The following PSMG2 variants were observed in gnomAD, a reference collection of about 807,000 sequenced individuals.
PSMG2 encodes the protein CD40 ligand-activated specific transcript 3.
PSMG2 carries 21 observed loss-of-function variants against 31.5 expected under a neutral mutation model. That is an observed-to-expected ratio of 0.67 (90% confidence interval 0.47 to 0.96). PSMG2 has a LOEUF of 0.96. Ranked by LOEUF, PSMG2 falls within the 40% of genes least tolerant of loss-of-function variation. The pLI is 0.00. For missense variants in PSMG2, 318 were observed against 321.2 expected (o/e 0.99, Z 0.08); for synonymous variants, 120 against 110.4 (o/e 1.09, Z -0.54).
At chr18:12,678,475 C>T in intron 1 of PSMG2, 3 of 1,440,454 alleles carry the variant, frequency 2.1e-6, no homozygotes. Context: ...TATATGAGAA[C>T]TTAAAAATTA....
At chr18:12,699,345 C>T (rs2040071979), upstream of PSMG2, 2 of 597,362 alleles carry the variant, frequency 3.3e-6, no homozygotes, top group East Asian at 2.8e-5. Flanking sequence ...AAATTTATTA[C>T]TGTATATGCC....
chr18:12,690,737 G>A (rs959704324), intron 1 of PSMG2, among the ~76,000 whole-genome samples: 1 of 152,170 alleles, frequency 6.6e-6, no homozygotes, highest in Non-Finnish European at 1.5e-5. Context: ...TTACAGGCGT[G>A]AGCCACCGCG....
intron 1 of PSMG2, among the ~76,000 whole-genome samples, chr18:12,680,130 ACATCATGTTGGTAAAG>A: frequency 6.6e-6 from 1 of 152,106 alleles, no homozygotes; most frequent in Non-Finnish European, 1.5e-5. Flanking sequence ...CTGTTTACCA[ACATCATGTTGGTAAAG>A]AATATTTGAG....
chr18:12,675,499 A>C (rs1184105592), intron 1 of PSMG2, among the ~76,000 whole-genome samples: 2 of 152,196 alleles, frequency 1.3e-5, no homozygotes, highest in African/African-American at 4.8e-5. Context: ...CAGAGGTGAG[A>C]AAAGTCAACA....
chr18:12,682,882 A>G (rs908148516), intron 1 of PSMG2, among the ~76,000 whole-genome samples: 2 of 151,802 alleles, frequency 1.3e-5, no homozygotes, highest in African/African-American at 4.8e-5. Flanking sequence ...TCGGCCTCCC[A>G]AAGTGCTGCG....
intron 1 of PSMG2, among the ~76,000 whole-genome samples, chr18:12,687,274 G>C (rs2039570993): frequency 6.6e-6 from 1 of 152,038 alleles, no homozygotes; most frequent in African/African-American, 2.4e-5. Flanking sequence ...CAGAACCACT[G>C]ATGTCTTTCT....
upstream of PSMG2, chr18:12,700,929 C>G: frequency 6.3e-7 from 1 of 1,580,354 alleles, no homozygotes; most frequent in Non-Finnish European, 8.7e-7. Context: ...CATATATACT[C>G]TCATTTATTT....
chr18:12,703,526 T>C (rs2040224049), intron 1 of PSMG2, among the ~76,000 whole-genome samples: 1 of 152,230 alleles, frequency 6.6e-6, no homozygotes, highest in Non-Finnish European at 1.5e-5. Context: ...ATATTATCGT[T>C]GTTAACCGGA....
At chr18:12,699,813 T>C, upstream of PSMG2, 1 of 1,372,698 alleles carries the variant, frequency 7.3e-7, no homozygotes, top group Non-Finnish European at 1.0e-6. Flanking sequence ...ACTAAATTAA[T>C]GTTAAAATAT....
At chr18:12,670,226 AGGCTGAGGCAGGAGAACTG>A (rs1467462412) in intron 1 of PSMG2, among the ~76,000 whole-genome samples, 1 of 151,916 alleles carries the variant, frequency 6.6e-6, no homozygotes, top group Admixed American at 6.6e-5. Flanking sequence ...GCTACTTGGG[AGGCTGAGGCAGGAGAACTG>A]CTTGAACCTG....
At chr18:12,666,146 A>C (rs1360986649) in intron 1 of PSMG2, among the ~76,000 whole-genome samples, 4 of 121,182 alleles carry the variant, frequency 3.3e-5, no homozygotes, top group Non-Finnish European at 5.6e-5. Flanking sequence ...GCAAGAACTC[A>C]TCTCTACAAA....
chr18:12,712,249 A>G (rs1423153128), intron 2 of PSMG2, among the ~76,000 whole-genome samples: 1 of 152,186 alleles, frequency 6.6e-6, no homozygotes. Flanking sequence ...CTATTTCAGG[A>G]TTTTATTACA....
At chr18:12,669,967 A>C (rs1280225663) in intron 1 of PSMG2, among the ~76,000 whole-genome samples, 2 of 70,534 alleles carry the variant, frequency 2.8e-5, no homozygotes, top group African/African-American at 5.5e-5. Context: ...ATTGCACTCC[A>C]GCCTGGGCAA....
At chr18:12,718,177 T>G (rs2040396177) in intron 3 of PSMG2, among the ~76,000 whole-genome samples, 1 of 151,962 alleles carries the variant, frequency 6.6e-6, no homozygotes, top group South Asian at 2.1e-4. Flanking sequence ...CCCCGCTGAT[T>G]TTTTTATTTT....
At chr18:12,659,336 G>A (rs1463177613) in intron 1 of PSMG2, among the ~76,000 whole-genome samples, 1 of 152,156 alleles carries the variant, frequency 6.6e-6, no homozygotes, top group African/African-American at 2.4e-5. Flanking sequence ...GGAATGGGGA[G>A]GAGGGAGAAA....
upstream of PSMG2, chr18:12,702,700 C>T: frequency 1.2e-6 from 1 of 837,616 alleles, no homozygotes; most frequent in Non-Finnish European, 1.8e-6. Flanking sequence ...AACGCCGCGT[C>T]AGGCCGGGGG....
intron 1 of PSMG2, among the ~76,000 whole-genome samples, chr18:12,668,597 CAAAAAAAAAAAAAA>C (rs752216074): frequency 0.014 from 1,027 of 72,816 alleles, 18 homozygotes; most frequent in Non-Finnish European, 0.019. Flanking sequence ...GATTCCATCT[CAAAAAAAAAAAAAA>C]AAAAAAAAAA....
At chr18:12,702,655 G>T, upstream of PSMG2, 2 of 1,288,564 alleles carry the variant, frequency 1.6e-6, no homozygotes, top group Non-Finnish European at 1.1e-6. Flanking sequence ...ACAAAGCGCC[G>T]CAGCCGTTCG....
At chr18:12,678,377 G>C in intron 1 of PSMG2, 1 of 1,614,122 alleles carries the variant, frequency 6.2e-7, no homozygotes, top group Non-Finnish European at 8.5e-7. Context: ...TGTTCGATAT[G>C]GGTACAGTGG....
Sources: allele counts gnomAD v4.1 joint callset (sites outside exome capture counted in the v4.1 genomes callset), GRCh38; gene constraint gnomAD v4.1.1; transcripts MANE v1.5; gene names NCBI Gene and HGNC (gene_info 2026-07-23, HGNC 2026-07-21).